Variants in TAFA2 observed in about 807,000 individuals in gnomAD.
The protein encoded by TAFA2 is TAFA chemokine like family member 2, also known as chemokine-like protein TAFA-2.
A neutral mutation model predicts 18.8 loss-of-function variants in TAFA2; 7 were observed. The ratio of observed to expected loss-of-function variants is 0.37; its 90% CI spans 0.21 to 0.70. The LOEUF is 0.70. TAFA2 is among the 30% of genes least tolerant of loss of function. The pLI is 0.53. For missense variants in TAFA2, 122 were observed against 158.1 expected, an observed-to-expected ratio of 0.77 and a Z score of 1.23; for synonymous variants, 60 against 54.2, an observed-to-expected ratio of 1.11 and a Z score of -0.47.
At chr12:61,918,187 T>C (rs1391637958) in intron 1 of TAFA2, among the ~76,000 whole-genome samples, 1 of 152,148 alleles carries the variant, frequency 6.6e-6, no homozygotes, top group Non-Finnish European at 1.5e-5. Flanking sequence ...CTTTTAGTTA[T>C]CTTAAAATGA....
At chr12:62,218,244 C>T (rs113097609) in intron 1 of TAFA2, among the ~76,000 whole-genome samples, 4,041 of 152,072 alleles carry the variant, frequency 0.027, 88 homozygotes, top group African/African-American at 0.061. Flanking sequence ...CAATCCTCCC[C>T]GCTCAGCCTC....
At chr12:61,917,562 A>G (rs1876877534) in intron 1 of TAFA2, among the ~76,000 whole-genome samples, 1 of 152,056 alleles carries the variant, frequency 6.6e-6, no homozygotes, top group Non-Finnish European at 1.5e-5. Flanking sequence ...CCCACCCAAT[A>G]ATTAGCCTGT....
intron 1 of TAFA2, among the ~76,000 whole-genome samples, chr12:62,212,353 C>A (rs569262510): frequency 6.6e-5 from 10 of 152,086 alleles, no homozygotes; most frequent in African/African-American, 2.2e-4. Context: ...TTTCATTGAG[C>A]CCTGTATTTC....
intron 1 of TAFA2, among the ~76,000 whole-genome samples, chr12:61,943,637 A>G (rs1048288452): frequency 1.3e-5 from 2 of 152,128 alleles, no homozygotes; most frequent in African/African-American, 4.8e-5. Flanking sequence ...AAACAAAAAA[A>G]GGCAGGGATT....
chr12:62,059,029 G>C (rs556276531), intron 1 of TAFA2, among the ~76,000 whole-genome samples: 54 of 152,178 alleles, frequency 3.5e-4, no homozygotes, highest in Admixed American at 1.1e-3. Flanking sequence ...CGGGAACCCG[G>C]GAGGCGGAGC....
At chr12:61,817,834 A>G (rs1049851975) in intron 2 of TAFA2, among the ~76,000 whole-genome samples, 29 of 152,180 alleles carry the variant, frequency 1.9e-4, no homozygotes, top group African/African-American at 6.8e-4. Flanking sequence ...CTCCTCAACC[A>G]ACCTCTACCT....
intron 1 of TAFA2, among the ~76,000 whole-genome samples, chr12:62,150,996 A>G (rs76934733): frequency 9.2e-4 from 117 of 127,614 alleles, no homozygotes; most frequent in Non-Finnish European, 1.6e-3. Flanking sequence ...AGGCCTTGTC[A>G]AAAAAAAAAA....
intron 1 of TAFA2, among the ~76,000 whole-genome samples, chr12:62,068,028 C>T (rs369791098): frequency 1.9e-4 from 29 of 151,086 alleles, no homozygotes; most frequent in African/African-American, 6.8e-4. Context: ...ATCTTCATGT[C>T]CACAAACTGC....
intron 1 of TAFA2, among the ~76,000 whole-genome samples, chr12:61,934,651 T>G (rs1242265071): frequency 6.6e-6 from 1 of 152,230 alleles, no homozygotes; most frequent in Non-Finnish European, 1.5e-5. Context: ...CTTCTCCAGA[T>G]GTTTCTCCAT....
intron 1 of TAFA2, among the ~76,000 whole-genome samples, chr12:62,043,185 T>A (rs540849689): frequency 2.0e-5 from 3 of 152,286 alleles, no homozygotes; most frequent in South Asian, 2.1e-4. Flanking sequence ...GCGGCACTAT[T>A]CACACTAGCA....
Position 61,947,239 on chromosome 12 carries a change from T to C in TAFA2, c.-1-79813A>G, listed in dbSNP as rs1051279831. Among the ~76,000 whole-genome samples, 3 of 144,986 alleles carry C rather than the reference T, an allele frequency of 2.1e-5. No homozygotes were observed. The East Asian group carries it at 6.2e-4, about 30-fold the overall frequency. ...ACCAAACACCGCATATTCTCACTCA[T>C]AGGTGGGAATTGAACAATGAGATCA... On this transcript the variant is annotated intron_variant, in intron 1 of 4. Coordinates refer to ENST00000416284, the MANE Select transcript of TAFA2 (RefSeq NM_178539.5).
chr12:62,105,940 A>T (rs1869428813), intron 1 of TAFA2, among the ~76,000 whole-genome samples: 1 of 152,224 alleles, frequency 6.6e-6, no homozygotes, highest in African/African-American at 2.4e-5. Context: ...GAAGTTGCTA[A>T]CAGAGTTCCT....
intron 1 of TAFA2, among the ~76,000 whole-genome samples, chr12:62,086,206 A>C (rs348674): frequency 0.65 from 97,530 of 151,144 alleles, 32,273 homozygotes; most frequent in African/African-American, 0.69. Context: ...AAAAAAAAAA[A>C]CAGGAAAAAG....
In TAFA2 at chr12:61,951,859, G is replaced by A. The variant is rs74096135; in HGVS notation, c.-1-84433C>T. ...ATCTTAATGTTTATGGCTTTAGTCT[G>A]AGCTGTCTGTAAGGAGCAATATTCA... On this transcript the variant is annotated intron_variant, in intron 1 of 4. Transcript: ENST00000416284. Among the ~76,000 whole-genome samples the A allele has an allele frequency of 8.1e-3, 1,222 of 150,682 alleles. 16 individuals are homozygous for A. The highest frequency in any genetic ancestry group is 0.029 in the African/African-American group (1,180 of 41,196).
Position 61,775,171 on chromosome 12 carries a change from T to C in TAFA2, c.107-20147A>G, listed in dbSNP as rs1870203210. 2.6e-5 allele frequency among the ~76,000 whole-genome samples: 4 copies of C among 151,934 alleles called. No homozygotes were observed. In the South Asian group the frequency reaches 8.3e-4, roughly 32 times the overall value. The stretch of plus-strand genomic sequence containing the variant: ...TCAGAATATCAAATTCTGGCAAGGA[T>C]GTGGAGCAACAAGAACTCTCATTCA... On this transcript the variant is annotated intron_variant, in intron 2 of 4. Coordinates refer to ENST00000416284, the MANE Select transcript of TAFA2 (RefSeq NM_178539.5).
At chr12:62,011,033 C>T (rs1411533557) in intron 1 of TAFA2, among the ~76,000 whole-genome samples, 1 of 143,944 alleles carries the variant, frequency 6.9e-6, no homozygotes, top group African/African-American at 2.6e-5. Flanking sequence ...CCGGCCACCC[C>T]ATCTGGGAGG....
chr12:61,888,516 C>T (rs1035262476), intron 1 of TAFA2, among the ~76,000 whole-genome samples: 2 of 152,180 alleles, frequency 1.3e-5, no homozygotes, highest in African/African-American at 4.8e-5. Context: ...CATTCTCCTA[C>T]AAACACAGAA....
chr12:61,748,513 C>A lies in TAFA2; in HGVS notation c.384+5109G>T, dbSNP rs114605826. ...GAAGAATTTACACGAATTGCACCAC[C>A]TTAAGGTAAGGAAATGAACTTTTTT... On this transcript the variant is annotated intron_variant, in intron 4 of 4. Transcript: ENST00000416284. 1.1e-3 allele frequency among the ~76,000 whole-genome samples: 166 copies of A among 152,162 alleles called. 1 individual carries two copies. Among genetic ancestry groups the A allele is most frequent in the African/African-American group, 3.9e-3 (161 of 41,540 alleles).
chr12:61,883,129 C>G (rs116079002), intron 1 of TAFA2, among the ~76,000 whole-genome samples: 2,154 of 152,152 alleles, frequency 0.014, 61 homozygotes, highest in African/African-American at 0.049. Flanking sequence ...AATCTGATTA[C>G]AGTTGTAAAT....
Sources: gnomAD v4.1 joint callset for allele counts (sites outside exome capture counted in the v4.1 genomes callset) on GRCh38, gnomAD v4.1.1 for gene constraint, MANE v1.5 for transcripts, NCBI Gene and HGNC (gene_info 2026-07-23, HGNC 2026-07-21) for gene names.